The following PTPRD variants were observed in gnomAD, a reference collection of about 807,000 sequenced individuals.
PTPRD encodes protein tyrosine phosphatase receptor type D.
In PTPRD, 34 loss-of-function variants were observed where a neutral mutation model predicts 214.5. The ratio of observed to expected loss-of-function variants is 0.16; its 90% confidence interval spans 0.12 to 0.21. The LOEUF is 0.21. PTPRD is among the 10% of genes least tolerant of loss of function. The pLI is 1.00. For missense variants in PTPRD, 2,545 were observed against 2,398.7 expected, an observed-to-expected ratio of 1.06 and a Z score of -1.27; for synonymous variants, 1,128 against 845.7, an observed-to-expected ratio of 1.33 and a Z score of -5.79.
intron 2 of PTPRD, among the ~76,000 whole-genome samples, chr9:10,422,934 AC>A (rs1412049884): frequency 2.0e-5 from 3 of 152,066 alleles, no homozygotes; most frequent in African/African-American, 7.2e-5. Context: ...ATACCATTTG[AC>A]CCAGCCATCC....
intron 2 of PTPRD, among the ~76,000 whole-genome samples, chr9:10,539,927 G>A (rs192951226): frequency 1.4e-4 from 21 of 152,274 alleles, no homozygotes; most frequent in African/African-American, 4.3e-4. Context: ...TATTATCATT[G>A]TATGCCAATT....
In PTPRD at chr9:9,047,004, T is replaced by G. The variant is rs573093771; in HGVS notation, c.-142-28269A>C. On this transcript the variant is annotated intron_variant, in intron 10 of 45. Transcript: ENST00000381196. ...TCCTTGCTTGCAGATGGTATGATCT[T>G]ATATTTGGAAAAACCTACAGATTCC... is the stretch of plus-strand genomic sequence containing the variant. Among the ~76,000 whole-genome samples, 207 of 152,266 alleles carry G rather than the reference T, an allele frequency of 1.4e-3. 1 individual carries two copies. The highest frequency in any genetic ancestry group is 4.7e-3 in the African/African-American group (195 of 41,564).
chr9:10,058,501 A>C (rs2097699993), intron 3 of PTPRD, among the ~76,000 whole-genome samples: 1 of 152,058 alleles, frequency 6.6e-6, no homozygotes, highest in South Asian at 2.1e-4. Context: ...ATCCCAAATA[A>C]ACTCTCTACT....
chr9:8,626,329 G>T (rs2096033598), intron 14 of PTPRD, among the ~76,000 whole-genome samples: 1 of 151,728 alleles, frequency 6.6e-6, no homozygotes, highest in Non-Finnish European at 1.5e-5. Flanking sequence ...AGATGGCCTA[G>T]GTTAACTTAA....
chr9:9,285,119 T>C (rs948727569), intron 9 of PTPRD, among the ~76,000 whole-genome samples: 3 of 151,822 alleles, frequency 2.0e-5, no homozygotes, highest in Admixed American at 6.6e-5. Context: ...TGAATAGTTT[T>C]GAATTCATTT....
At chr9:9,412,051 G>C (rs1483317886) in intron 8 of PTPRD, among the ~76,000 whole-genome samples, 1 of 152,130 alleles carries the variant, frequency 6.6e-6, no homozygotes, top group Admixed American at 6.5e-5. Flanking sequence ...ATGCCTAGAT[G>C]TCTGAGCCAG....
chr9:8,918,983 T>C (rs975452192), intron 11 of PTPRD, among the ~76,000 whole-genome samples: 12 of 152,184 alleles, frequency 7.9e-5, no homozygotes, highest in Admixed American at 2.6e-4. Context: ...CCACACATCG[T>C]AGGGAACATA....
chr9:9,040,342 G>A (rs933618070), intron 10 of PTPRD, among the ~76,000 whole-genome samples: 1 of 152,158 alleles, frequency 6.6e-6, no homozygotes, highest in African/African-American at 2.4e-5. Flanking sequence ...GCTTAAGAAA[G>A]CAACACCATA....
intron 14 of PTPRD, among the ~76,000 whole-genome samples, chr9:8,603,482 T>C (rs567441904): frequency 6.6e-6 from 1 of 152,262 alleles, no homozygotes; most frequent in East Asian, 1.9e-4. Context: ...CCTTAACGGT[T>C]TGCTTTCTCA....
At chr9:8,598,678 T>C (rs1322398817) in intron 14 of PTPRD, among the ~76,000 whole-genome samples, 3 of 152,284 alleles carry the variant, frequency 2.0e-5, no homozygotes, top group South Asian at 2.1e-4. Context: ...ATGCTGCTTA[T>C]ACTTCATAGC....
intron 4 of PTPRD, among the ~76,000 whole-genome samples, chr9:9,967,016 G>C (rs1318819096): frequency 6.6e-6 from 1 of 152,156 alleles, no homozygotes; most frequent in Non-Finnish European, 1.5e-5. Flanking sequence ...ATCACAGATA[G>C]GAGATAGCAA....
intron 8 of PTPRD, among the ~76,000 whole-genome samples, chr9:9,403,235 A>T (rs2071595524): frequency 7.5e-6 from 1 of 133,522 alleles, no homozygotes; most frequent in Admixed American, 8.8e-5. Flanking sequence ...AGGTCTCAGT[A>T]AGCTGACATT....
At chr9:9,693,215 CT>C (rs1409189791) in intron 7 of PTPRD, among the ~76,000 whole-genome samples, 1 of 151,016 alleles carries the variant, frequency 6.6e-6, no homozygotes, top group African/African-American at 2.5e-5. Context: ...TATGGTTTAG[CT>C]TTGTGTTCGC....
intron 9 of PTPRD, among the ~76,000 whole-genome samples, chr9:9,217,825 C>A (rs543174882): frequency 6.6e-6 from 1 of 152,090 alleles, no homozygotes; most frequent in Non-Finnish European, 1.5e-5. Context: ...ATTATCTTGT[C>A]CATATGTTTT....
At chr9:9,230,426 G>A (rs1489240355) in intron 9 of PTPRD, among the ~76,000 whole-genome samples, 1 of 152,066 alleles carries the variant, frequency 6.6e-6, no homozygotes, top group East Asian at 1.9e-4. Flanking sequence ...TAAGTACAGT[G>A]TTTCCCTGAG....
At chr9:9,891,446 G>A (rs2073294212) in intron 5 of PTPRD, among the ~76,000 whole-genome samples, 1 of 151,636 alleles carries the variant, frequency 6.6e-6, no homozygotes, top group Non-Finnish European at 1.5e-5. Flanking sequence ...AGCATGTAGA[G>A]AAAGCCATTA....
At chr9:10,162,588 C>T (rs143045635) in intron 3 of PTPRD, among the ~76,000 whole-genome samples, 257 of 149,038 alleles carry the variant, frequency 1.7e-3, no homozygotes, top group Middle Eastern at 3.6e-3. Context: ...TGAATGGGTA[C>T]GAACTAACAG....
chr9:8,553,863 C>T (rs368765304), intron 14 of PTPRD, among the ~76,000 whole-genome samples: 29 of 152,080 alleles, frequency 1.9e-4, no homozygotes, highest in South Asian at 6.2e-4. Context: ...AAAAAGAAGG[C>T]GGCCAGTCTC....
chr9:8,385,574 G>A (rs1341386985), intron 37 of PTPRD, among the ~76,000 whole-genome samples: 1 of 152,130 alleles, frequency 6.6e-6, no homozygotes, highest in African/African-American at 2.4e-5. Context: ...TGAAAAGAGA[G>A]ATGGGCTCTA....
Sources: allele counts gnomAD v4.1 joint callset (sites outside exome capture counted in the v4.1 genomes callset), GRCh38; gene constraint gnomAD v4.1.1; transcripts MANE v1.5; gene names NCBI Gene and HGNC (gene_info 2026-07-23, HGNC 2026-07-21).